Variants in KIF16B observed in about 807,000 individuals in gnomAD.
KIF16B encodes kinesin-like protein KIF16B.
Under a neutral mutation model 156.3 loss-of-function variants are expected in KIF16B, and 98 were observed. That is an observed-to-expected ratio of 0.63 (90% confidence interval 0.53 to 0.74). The LOEUF is 0.74. KIF16B is among the 30% of genes least tolerant of loss of function. KIF16B has a pLI of 0.00. For synonymous variants in KIF16B, 564 were observed against 583.7 expected, an observed-to-expected ratio of 0.97 and a Z score of 0.49; for missense variants, 1,421 against 1,606.5, an observed-to-expected ratio of 0.88 and a Z score of 1.97.
intron 10 of KIF16B, among the ~76,000 whole-genome samples, chr20:16,502,635 C>T (rs1415650171): frequency 6.6e-6 from 1 of 152,052 alleles, no homozygotes; most frequent in South Asian, 2.1e-4. Flanking sequence ...TATAAGGCAA[C>T]TATATGGCAT....
chr20:16,504,503 G>T lies in KIF16B; in HGVS notation c.1045C>A (p.Leu349Ile). 1.2e-6 allele frequency: 2 copies of T among 1,614,048 alleles called. No individual in the cohort carries two copies. Among genetic ancestry groups the T allele is most frequent in the Non-Finnish European group, 1.7e-6 (2 of 1,179,944 alleles). The change falls in exon 10 of 26, where the codon CTT (leucine) becomes ATT (isoleucine). Residue 349 changes from leucine (L) to isoleucine (I), a missense_variant. Physicochemically the swap from Leu to Ile is conservative, Grantham distance 5. Transcript: ENST00000354981. ...DVNYGETLST[L>I]RYANRAKNII... ...TTTTTGGCTCTATTTGCATAGCGAA[G>T]AGTACTTAGGGTTTCTCCATAATTG...
At chr20:16,277,302 G>A (rs2063077046) in intron 25 of KIF16B, among the ~76,000 whole-genome samples, 2 of 152,068 alleles carry the variant, frequency 1.3e-5, no homozygotes, top group African/African-American at 4.8e-5. Flanking sequence ...CCTTTAGTCT[G>A]AACTCTTCTT....
chr20:16,434,571 T>C (rs1310041612), intron 12 of KIF16B, among the ~76,000 whole-genome samples: 2 of 152,206 alleles, frequency 1.3e-5, no homozygotes, highest in Admixed American at 6.5e-5. Context: ...TGGGAAAAGT[T>C]TGACAGTGTG....
At chr20:16,469,293 A>G (rs2067589641) in intron 12 of KIF16B, among the ~76,000 whole-genome samples, 1 of 150,492 alleles carries the variant, frequency 6.6e-6, no homozygotes, top group Admixed American at 6.6e-5. Flanking sequence ...GTCTCCTTTC[A>G]GACCACGATA....
chr20:16,305,717 C>T (rs1047438840), intron 25 of KIF16B, among the ~76,000 whole-genome samples: 1 of 152,200 alleles, frequency 6.6e-6, no homozygotes, highest in Non-Finnish European at 1.5e-5. Flanking sequence ...CACCATTCTA[C>T]TCTCTATCCC....
At chr20:16,307,007 T>G (rs1230706555) in intron 25 of KIF16B, among the ~76,000 whole-genome samples, 1 of 152,190 alleles carries the variant, frequency 6.6e-6, no homozygotes, top group African/African-American at 2.4e-5. Flanking sequence ...GTCCACACTC[T>G]TAGCTATCAC....
At position 16,344,882 on chromosome 20, in the gene KIF16B, T is replaced by C. The variant is rs139764240; in HGVS notation, c.3622-8867A>G. 3.9e-3 allele frequency among the ~76,000 whole-genome samples: 600 copies of C among 152,332 alleles called. 5 individuals carry two copies. The highest frequency in any genetic ancestry group is 0.014 in the African/African-American group (567 of 41,562). On this transcript the variant is annotated intron_variant, in intron 23 of 25. Transcript: ENST00000354981. Reference sequence around the variant, plus strand: ...AGTATCCTTTTAGCACATTTCAAAATGATGCTGTTGCTACATTCATTTCCC... The same window carrying C: ...AGTATCCTTTTAGCACATTTCAAAACGATGCTGTTGCTACATTCATTTCCC...
intron 15 of KIF16B, among the ~76,000 whole-genome samples, chr20:16,409,123 C>G (rs527710581): frequency 6.6e-6 from 1 of 152,062 alleles, no homozygotes; most frequent in East Asian, 1.9e-4. Context: ...GTCCTGGGCT[C>G]AAAGAGCAAC....
At chr20:16,287,904 C>A (rs1339721304) in intron 25 of KIF16B, among the ~76,000 whole-genome samples, 1 of 152,198 alleles carries the variant, frequency 6.6e-6, no homozygotes, top group Non-Finnish European at 1.5e-5. Context: ...AGGAAGGAGG[C>A]AAACAGCTTC....
rs143977250 is a variant in KIF16B, at chr20:16,307,315, C to T, written c.3795+5020G>A. 3.6e-3 allele frequency among the ~76,000 whole-genome samples: 544 copies of T among 152,236 alleles called. 3 individuals carry two copies. Among genetic ancestry groups the T allele is most frequent in the South Asian group, 0.029 (140 of 4,822 alleles). On this transcript the variant is annotated intron_variant, in intron 25 of 25. Transcript: ENST00000354981. Reference sequence around the variant, plus strand: ...TCTCTGAAATTAATAACCCAAAATGCACCTTTCATCAATGAACAAAAATAA... The same window carrying T: ...TCTCTGAAATTAATAACCCAAAATGTACCTTTCATCAATGAACAAAAATAA...
chr20:16,341,845 C>T (rs994315815), intron 23 of KIF16B, among the ~76,000 whole-genome samples: 1 of 152,248 alleles, frequency 6.6e-6, no homozygotes, highest in African/African-American at 2.4e-5. Flanking sequence ...TCTCACTACC[C>T]TCCCAGGCCA....
At chr20:16,560,444 T>C (rs6034530) in intron 1 of KIF16B, among the ~76,000 whole-genome samples, 124,873 of 152,208 alleles carry the variant, frequency 0.82, 51,679 homozygotes, top group African/African-American at 0.94. Flanking sequence ...CACAGGCCCC[T>C]GGGGCAAAGG....
At chr20:16,532,232 A>G (rs1445636864) in intron 1 of KIF16B, among the ~76,000 whole-genome samples, 1 of 152,210 alleles carries the variant, frequency 6.6e-6, no homozygotes, top group Non-Finnish European at 1.5e-5. Flanking sequence ...AAATCAAATG[A>G]TATGTTACCT....
intron 24 of KIF16B, among the ~76,000 whole-genome samples, chr20:16,333,820 G>A (rs1415934808): frequency 6.6e-6 from 1 of 152,142 alleles, no homozygotes; most frequent in African/African-American, 2.4e-5. Context: ...CAACTAGAAT[G>A]CCACCTTGTC....
intron 15 of KIF16B, among the ~76,000 whole-genome samples, chr20:16,421,210 C>T (rs1304813607): frequency 6.6e-6 from 1 of 152,126 alleles, no homozygotes; most frequent in East Asian, 1.9e-4. Context: ...TACTTAAAAA[C>T]TGTTTTATGG....
chr20:16,374,495 G>A (rs1481057646), intron 19 of KIF16B, 86 bp from the exon 20 acceptor site: 16 of 1,243,438 alleles, frequency 1.3e-5, no homozygotes, highest in Non-Finnish European at 1.7e-5. Context: ...TAGATAGCAT[G>A]GGGGAACAAG....
rs986183149 is a variant in KIF16B, at chr20:16,383,148, T to A, written c.1785-1401A>T. Among the ~76,000 whole-genome samples, 4 of 152,154 alleles carry A rather than the reference T, an allele frequency of 2.6e-5. 1 individual carries two copies. The highest frequency in any genetic ancestry group is 4.4e-5 in the Non-Finnish European group (3 of 68,022). ...CTGGGACCACAGTATGGTGGCTTTT[T>A]TAGGCAGAACTGAGTATCTCTTACA... On this transcript the variant is annotated intron_variant, in intron 17 of 25. Transcript: ENST00000354981.
Position 16,513,144 on chromosome 20 carries a change from C to T in KIF16B, c.349-221G>A, listed in dbSNP as rs375852839. Among the ~76,000 whole-genome samples, 25 of 152,184 alleles carry T rather than the reference C, an allele frequency of 1.6e-4. No homozygotes were observed. In the South Asian group the frequency reaches 4.4e-3, roughly 27 times the overall value. Reference sequence around the variant, plus strand: ...TACAGGCTGGGACTCTGATAATATACGGTTATCAGTTGTTAGTTAAATCAT... The same window carrying T: ...TACAGGCTGGGACTCTGATAATATATGGTTATCAGTTGTTAGTTAAATCAT... On this transcript the variant is annotated intron_variant, in intron 4 of 25. Transcript: ENST00000354981.
chr20:16,407,448 G>T (rs1202544911), intron 15 of KIF16B, among the ~76,000 whole-genome samples: 1 of 152,142 alleles, frequency 6.6e-6, no homozygotes, highest in Non-Finnish European at 1.5e-5. Flanking sequence ...TAAGTGTCTA[G>T]CACACTTAGC....
Sources: allele counts gnomAD v4.1 joint callset (sites outside exome capture counted in the v4.1 genomes callset), GRCh38; gene constraint gnomAD v4.1.1; transcripts MANE v1.5; gene names NCBI Gene and HGNC (gene_info 2026-07-23, HGNC 2026-07-21).